Variants in CTBP2 observed in about 807,000 individuals in gnomAD.
CTBP2 encodes C-terminal-binding protein 2.
Under a neutral mutation model 80.3 loss-of-function variants are expected in CTBP2, and 30 were observed. The observed-to-expected ratio is 0.37, with a 90% CI of 0.28 to 0.51. The LOEUF is 0.51. Among genes scored for constraint, CTBP2 ranks in the 20% least tolerant of loss-of-function variants. The pLI is 0.93. For missense variants in CTBP2, 1,212 were observed against 1,375.3 expected, an observed-to-expected ratio of 0.88 and a Z score of 1.88; for synonymous variants, 594 against 587.4, an observed-to-expected ratio of 1.01 and a Z score of -0.16.
At chr10:125,006,019 G>T (rs912207431) in intron 1 of CTBP2, 3 of 1,420,848 alleles carry the variant, frequency 2.1e-6, no homozygotes, top group African/African-American at 2.9e-5. Flanking sequence ...GTCACAAGAT[G>T]TCCATCCGCA....
intron 2 of CTBP2, among the ~76,000 whole-genome samples, chr10:125,089,812 T>C (rs1177564914): frequency 6.6e-6 from 1 of 152,196 alleles, no homozygotes; most frequent in Non-Finnish European, 1.5e-5. Context: ...GCCATCCAGC[T>C]GACCAAGGGA....
chr10:125,025,318 AG>A (rs1957425822), intron 1 of CTBP2, among the ~76,000 whole-genome samples: 1 of 152,350 alleles, frequency 6.6e-6, no homozygotes, highest in African/African-American at 2.4e-5. Context: ...ACGCCCACCT[AG>A]GACTTCATCC....
intron 1 of CTBP2, among the ~76,000 whole-genome samples, chr10:125,120,584 G>A (rs1490845496): frequency 1.3e-5 from 2 of 152,092 alleles, no homozygotes; most frequent in East Asian, 1.9e-4. Flanking sequence ...ACAGGGTTTC[G>A]CCACGTTGGC....
intron 2 of CTBP2, among the ~76,000 whole-genome samples, chr10:125,103,998 C>T (rs992157790): frequency 5.9e-5 from 9 of 152,308 alleles, no homozygotes; most frequent in South Asian, 2.1e-4. Flanking sequence ...AGTTAAACAA[C>T]GTATAGCTGA....
chr10:125,031,548 C>A (rs1958213142), upstream of CTBP2, among the ~76,000 whole-genome samples: 1 of 151,806 alleles, frequency 6.6e-6, no homozygotes, highest in Admixed American at 6.6e-5. Flanking sequence ...CCCCCTGCCC[C>A]CGAACGTCCT....
chr10:124,996,604 G>A (rs959524677), intron 4 of CTBP2: 2 of 152,362 alleles, frequency 1.3e-5, no homozygotes, highest in Non-Finnish European at 2.9e-5. Flanking sequence ...CTACAGGAAC[G>A]ACCCCAGGAA....
chr10:124,984,616 T>C lies in CTBP2; in HGVS notation c.*4902A>G. On this transcript the variant is annotated 3_prime_UTR_variant, in exon 9 of 9. Coordinates refer to ENST00000309035, the MANE Select transcript of CTBP2 (RefSeq NM_022802.3). ...AATTTAACCAGAGCAAACTGGACTT[T>C]AATCACAAAACTTCCAAGAGGTCAA... 1 of 690,840 alleles carries C rather than the reference T, an allele frequency of 1.4e-6. No homozygotes were observed. The highest frequency in any genetic ancestry group is 3.2e-5 in the Admixed American group (1 of 31,636). 42.8% of individuals were successfully genotyped at this position (690,840 alleles called of 1,614,324 possible).
intron 2 of CTBP2, among the ~76,000 whole-genome samples, chr10:125,092,914 TG>T (rs139587093): frequency 1.2e-3 from 183 of 149,932 alleles, no homozygotes; most frequent in Admixed American, 4.3e-3. Flanking sequence ...CCTTCTAGAG[TG>T]GGGGGGGGCA....
At chr10:125,120,022 T>C (rs999592570) in intron 1 of CTBP2, among the ~76,000 whole-genome samples, 2 of 152,260 alleles carry the variant, frequency 1.3e-5, no homozygotes, top group Non-Finnish European at 1.5e-5. Context: ...GCAAGTTCGA[T>C]ACAGAAAAGG....
At chr10:125,006,100 G>T in intron 1 of CTBP2, 1 of 987,294 alleles carries the variant, frequency 1.0e-6, no homozygotes, top group Non-Finnish European at 1.3e-6. Flanking sequence ...CTCCCTCCCC[G>T]ACACGGGTTG....
chr10:125,083,192 C>T (rs905989152), intron 2 of CTBP2, among the ~76,000 whole-genome samples: 1 of 152,234 alleles, frequency 6.6e-6, no homozygotes, highest in Non-Finnish European at 1.5e-5. Flanking sequence ...CGCAAGTTTA[C>T]ATCTGACACC....
At chr10:125,103,856 C>T (rs1851029442) in intron 2 of CTBP2, among the ~76,000 whole-genome samples, 1 of 152,166 alleles carries the variant, frequency 6.6e-6, no homozygotes, top group Non-Finnish European at 1.5e-5. Flanking sequence ...CTCTGGGACC[C>T]TCCTGTAAGC....
intron 4 of CTBP2, 136 bp from the exon 7 acceptor site, chr10:124,994,819 G>C: frequency 1.1e-6 from 1 of 890,526 alleles, no homozygotes; most frequent in African/African-American, 1.7e-5. Context: ...TGTGCCCAAA[G>C]CTTAGTGAGG....
At position 125,112,898 on chromosome 10, in the gene CTBP2, C is replaced by T. The variant is rs888633495; in HGVS notation, c.-205-1805G>A. 3.9e-5 allele frequency among the ~76,000 whole-genome samples: 6 copies of T among 152,222 alleles called. No individual in the cohort carries two copies. The East Asian group carries it at 1.2e-3, about 29-fold the overall frequency. ...AGCAAGTCATAAAGAAGAACTGCTA[C>T]ACTCATGGTTTCCATTCAAAAGAAA... On this transcript the variant is annotated intron_variant, in intron 1 of 10. Coordinates refer to the CTBP2 transcript ENST00000337195.
Position 125,100,535 on chromosome 10 carries a change from T to A in CTBP2, c.-102+10455A>T, listed in dbSNP as rs75647387. 2.3e-3 allele frequency: 344 copies of A among 152,186 alleles called. 1 individual carries two copies. The highest frequency in any genetic ancestry group is 7.3e-3 in the African/African-American group (301 of 41,516). The allele number at this position is 152,186 out of a possible 1,614,324, so 9.4% of individuals were successfully genotyped here. A position where few individuals can be genotyped will look rare whatever the true frequency, so the allele number is the denominator to read the frequency against. On this transcript the variant is annotated intron_variant, in intron 2 of 10. Coordinates refer to the CTBP2 transcript ENST00000337195. ...GGAACAAACATTTTTGGAAAAAAAA[T>A]TTTTTAATTTAATTTTTAAACAAAA...
chr10:125,039,606 T>C (rs1270535326), intron 2 of CTBP2, among the ~76,000 whole-genome samples: 1 of 152,214 alleles, frequency 6.6e-6, no homozygotes, highest in Non-Finnish European at 1.5e-5. Context: ...CCAGGTGAGT[T>C]ACAACAATGC....
At chr10:125,118,902 G>A (rs1010201751) in intron 1 of CTBP2, among the ~76,000 whole-genome samples, 1 of 152,208 alleles carries the variant, frequency 6.6e-6, no homozygotes, top group African/African-American at 2.4e-5. Flanking sequence ...TGGACAAGGC[G>A]GCTGCTGGTG....
chr10:125,151,005 T>TA (rs1859749605), intron 1 of CTBP2, among the ~76,000 whole-genome samples: 1 of 150,894 alleles, frequency 6.6e-6, no homozygotes, highest in African/African-American at 2.4e-5. Flanking sequence ...AGGTGATAGT[T>TA]AGTCACTGTT....
intron 3 of CTBP2, among the ~76,000 whole-genome samples, chr10:125,002,154 C>T (rs1316495250): frequency 2.6e-5 from 4 of 152,198 alleles, no homozygotes; most frequent in African/African-American, 9.6e-5. Flanking sequence ...CCTCAGCACT[C>T]GTAAGGCAGA....
Sources: gnomAD v4.1 joint callset for allele counts (sites outside exome capture counted in the v4.1 genomes callset) on GRCh38, gnomAD v4.1.1 for gene constraint, MANE v1.5 for transcripts, NCBI Gene and HGNC (gene_info 2026-07-23, HGNC 2026-07-21) for gene names.